Variants in RALYL observed in about 807,000 individuals in gnomAD.
The protein encoded by RALYL is RNA-binding Raly-like protein.
RALYL carries 29 observed loss-of-function variants against 35.1 expected under a neutral mutation model. That is an observed-to-expected ratio of 0.83 (90% confidence interval 0.61 to 1.13). The LOEUF is 1.13. RALYL is among the 50% of genes most tolerant of loss of function. The probability of loss-of-function intolerance (pLI) is 0.00; values close to 1 mark genes in which losing one functional copy is unlikely to be tolerated. For synonymous variants in RALYL, 120 were observed against 127.6 expected, an observed-to-expected ratio of 0.94 and a Z score of 0.40; for missense variants, 359 against 360.4, an observed-to-expected ratio of 1.00 and a Z score of 0.03.
At chr8:84,769,363 G>T (rs1277037667) in intron 2 of RALYL, among the ~76,000 whole-genome samples, 1 of 152,040 alleles carries the variant, frequency 6.6e-6, no homozygotes, top group African/African-American at 2.4e-5. Flanking sequence ...GCTCTAATGG[G>T]GTTTCTAATG....
chr8:84,481,969 C>A (rs2094714767), intron 1 of RALYL, among the ~76,000 whole-genome samples: 1 of 151,880 alleles, frequency 6.6e-6, no homozygotes, highest in South Asian at 2.1e-4. Flanking sequence ...GTAAATGATA[C>A]CTCATTTGTA....
chr8:84,603,924 TTTTTTTTGTTTG>T (rs1422770575), intron 2 of RALYL, among the ~76,000 whole-genome samples: 11 of 151,902 alleles, frequency 7.2e-5, no homozygotes, highest in African/African-American at 2.2e-4. Context: ...TTTTATCAGG[TTTTTTTTGTTTG>T]TTTGTTTGTT....
intron 1 of RALYL, among the ~76,000 whole-genome samples, chr8:84,275,587 T>C (rs1054370884): frequency 6.6e-6 from 1 of 152,050 alleles, no homozygotes; most frequent in Non-Finnish European, 1.5e-5. Flanking sequence ...CAGTATATTG[T>C]TATTATCTAT....
At chr8:84,446,355 T>C (rs1279344852) in intron 1 of RALYL, among the ~76,000 whole-genome samples, 3 of 150,810 alleles carry the variant, frequency 2.0e-5, no homozygotes, top group Admixed American at 6.7e-5. Flanking sequence ...GTGATTGTGT[T>C]TGTGTGCTTG....
chr8:84,711,501 T>C (rs1260947801), intron 2 of RALYL, among the ~76,000 whole-genome samples: 1 of 152,186 alleles, frequency 6.6e-6, no homozygotes, highest in East Asian at 1.9e-4. Flanking sequence ...CTTATCTTCT[T>C]ATAAATATCC....
At chr8:84,556,707 C>T (rs2061145157) in intron 2 of RALYL, among the ~76,000 whole-genome samples, 1 of 152,124 alleles carries the variant, frequency 6.6e-6, no homozygotes, top group Non-Finnish European at 1.5e-5. Flanking sequence ...ATGATATACA[C>T]CACCTCTGAG....
intron 1 of RALYL, among the ~76,000 whole-genome samples, chr8:84,478,948 T>C (rs1258402503): frequency 8.6e-6 from 1 of 116,120 alleles, no homozygotes; most frequent in East Asian, 2.8e-4. Context: ...TAGCCGGGCA[T>C]GGTGGCGGGC....
chr8:84,512,200 A>G (rs1163627346), intron 1 of RALYL, among the ~76,000 whole-genome samples: 1 of 152,000 alleles, frequency 6.6e-6, no homozygotes, highest in Non-Finnish European at 1.5e-5. Context: ...CTTCATCAGC[A>G]TCTATTTTTT....
At chr8:84,892,100 C>G (rs1843957637) in intron 8 of RALYL, among the ~76,000 whole-genome samples, 2 of 152,172 alleles carry the variant, frequency 1.3e-5, no homozygotes, top group Admixed American at 1.3e-4. Context: ...AAGATATGAG[C>G]ACAGACTATC....
At chr8:84,620,119 T>C (rs1820964464) in intron 2 of RALYL, among the ~76,000 whole-genome samples, 2 of 152,184 alleles carry the variant, frequency 1.3e-5, no homozygotes, top group African/African-American at 4.8e-5. Context: ...TCTCTGTATT[T>C]CCTGAATCTG....
At chr8:84,893,133 A>G (rs1446375405) in intron 8 of RALYL, among the ~76,000 whole-genome samples, 1 of 152,198 alleles carries the variant, frequency 6.6e-6, no homozygotes, top group Non-Finnish European at 1.5e-5. Context: ...TGGTCAATAA[A>G]GACTCCTGGC....
chr8:84,361,452 G>A (rs1334086891), intron 1 of RALYL, among the ~76,000 whole-genome samples: 1 of 152,182 alleles, frequency 6.6e-6, no homozygotes, highest in African/African-American at 2.4e-5. Context: ...AGAAGAAACT[G>A]GGACAACAGA....
intron 1 of RALYL, among the ~76,000 whole-genome samples, chr8:84,199,797 G>A (rs78773284): frequency 0.089 from 13,499 of 152,150 alleles, 608 homozygotes; most frequent in Middle Eastern, 0.12. Flanking sequence ...TCGAAAATGC[G>A]TTCACTCTAG....
chr8:84,530,487 TA>T (rs11357141), intron 2 of RALYL, among the ~76,000 whole-genome samples: 52,727 of 143,848 alleles, frequency 0.37, 9,346 homozygotes, highest in South Asian at 0.51. Context: ...TTATCCAGTT[TA>T]AAAAAAAAAA....
At chr8:84,719,590 ATTG>A (rs1444507347) in intron 2 of RALYL, among the ~76,000 whole-genome samples, 12 of 152,312 alleles carry the variant, frequency 7.9e-5, no homozygotes, top group African/African-American at 2.9e-4. Flanking sequence ...CACAAGCCCT[ATTG>A]TTGTACTAAT....
chr8:84,324,869 CATA>C (rs1845529861), intron 1 of RALYL, among the ~76,000 whole-genome samples: 1 of 151,972 alleles, frequency 6.6e-6, no homozygotes, highest in African/African-American at 2.4e-5. Flanking sequence ...CCTTCATAAC[CATA>C]ATAATGTGCT....
chr8:84,887,574 T>A (rs1843103734), intron 7 of RALYL, 30 bp from the exon 8 acceptor site: 6 of 1,575,394 alleles, frequency 3.8e-6, no homozygotes. Context: ...CAACCCAAGG[T>A]AGTAGTCATT....
chr8:84,467,212 C>A (rs2051825140), intron 1 of RALYL, among the ~76,000 whole-genome samples: 1 of 152,042 alleles, frequency 6.6e-6, no homozygotes. Context: ...TCTTGCTTTT[C>A]TAATTCTTTT....
intron 1 of RALYL, among the ~76,000 whole-genome samples, chr8:84,347,847 G>A (rs1321820957): frequency 6.6e-6 from 1 of 152,050 alleles, no homozygotes; most frequent in Non-Finnish European, 1.5e-5. Context: ...ATTAAATTCA[G>A]CAAAGCTTGC....
Sources: gnomAD v4.1 joint callset for allele counts (sites outside exome capture counted in the v4.1 genomes callset) on GRCh38, gnomAD v4.1.1 for gene constraint, MANE v1.5 for transcripts, NCBI Gene and HGNC (gene_info 2026-07-23, HGNC 2026-07-21) for gene names.